Variants in PBX3 observed in about 807,000 individuals in gnomAD.
The protein encoded by PBX3 is PBX homeobox 3, also known as pre-B-cell leukemia transcription factor 3.
Under a neutral mutation model 48.5 loss-of-function variants are expected in PBX3, and 14 were observed. The ratio of observed to expected loss-of-function variants is 0.29; its 90% CI spans 0.19 to 0.45. The LOEUF (loss-of-function observed/expected upper bound fraction) is 0.45, where lower values mean the gene tolerates loss of function less well. PBX3 is among the 20% of genes least tolerant of loss of function. The pLI is 1.00. For synonymous variants in PBX3, 210 were observed against 200.3 expected (o/e 1.05, Z -0.41); for missense variants, 386 against 546.7 (o/e 0.71, Z 2.93).
At chr9:125,881,987 G>C (rs1294840818) in intron 2 of PBX3, among the ~76,000 whole-genome samples, 1 of 151,868 alleles carries the variant, frequency 6.6e-6, no homozygotes, top group Non-Finnish European at 1.5e-5. Context: ...GATCATTTGA[G>C]GCCAGGAGTT....
At chr9:125,941,750 A>G (rs1841962818) in intron 5 of PBX3, among the ~76,000 whole-genome samples, 1 of 152,254 alleles carries the variant, frequency 6.6e-6, no homozygotes, top group Admixed American at 6.5e-5. Context: ...ATTGAGAATC[A>G]TACTTAAATT....
At chr9:125,840,354 T>C (rs995090312) in intron 2 of PBX3, among the ~76,000 whole-genome samples, 2 of 152,004 alleles carry the variant, frequency 1.3e-5, no homozygotes, top group African/African-American at 4.8e-5. Flanking sequence ...ATGTAAATAA[T>C]GCTGTCCTGC....
chr9:125,807,336 A>AG (rs1838154280), intron 2 of PBX3, among the ~76,000 whole-genome samples: 2 of 150,190 alleles, frequency 1.3e-5, no homozygotes, highest in African/African-American at 5.0e-5. Flanking sequence ...GACTCAAAAA[A>AG]GAAAAAAAAA....
intron 5 of PBX3, among the ~76,000 whole-genome samples, chr9:125,939,458 A>C (rs1841912523): frequency 6.6e-6 from 1 of 152,198 alleles, no homozygotes; most frequent in South Asian, 2.1e-4. Context: ...GCTACCAAGA[A>C]TGTGTAGCAG....
At chr9:125,869,669 G>A (rs543630173) in intron 2 of PBX3, among the ~76,000 whole-genome samples, 17 of 152,248 alleles carry the variant, frequency 1.1e-4, no homozygotes, top group African/African-American at 1.9e-4. Context: ...AATACCTGGA[G>A]CATGGGCAAA....
intron 2 of PBX3, among the ~76,000 whole-genome samples, chr9:125,899,192 GATATATATATTTATAAAT>G (rs1840846853): frequency 7.1e-6 from 1 of 141,132 alleles, no homozygotes; most frequent in Non-Finnish European, 1.5e-5. Context: ...TTCTTTAGAT[GATATATATATTTATAAAT>G]ATACATATGT....
At chr9:125,882,473 A>G (rs919643358) in intron 2 of PBX3, among the ~76,000 whole-genome samples, 3 of 152,174 alleles carry the variant, frequency 2.0e-5, no homozygotes, top group African/African-American at 7.2e-5. Context: ...GCTGCCTGGT[A>G]TTTAACATTG....
intron 5 of PBX3, 137 bp from the exon 6 acceptor site, chr9:125,960,547 T>A: frequency 1.4e-6 from 1 of 699,492 alleles, no homozygotes; most frequent in Non-Finnish European, 2.5e-6. Flanking sequence ...CCATTATGCA[T>A]GATCCATAGG....
At chr9:125,792,365 T>C (rs984735508) in intron 2 of PBX3, among the ~76,000 whole-genome samples, 2 of 152,042 alleles carry the variant, frequency 1.3e-5, no homozygotes, top group African/African-American at 2.4e-5. Flanking sequence ...GTCAGAAATA[T>C]TAGGGGAGGT....
chr9:125,923,513 A>C (rs78677571), intron 3 of PBX3, among the ~76,000 whole-genome samples: 10,709 of 152,192 alleles, frequency 0.07, 869 homozygotes, highest in African/African-American at 0.18. Context: ...TTACGTCTAT[A>C]AATATTTATT....
chr9:125,867,563 G>A (rs1350684894), intron 2 of PBX3, among the ~76,000 whole-genome samples: 2 of 150,514 alleles, frequency 1.3e-5, no homozygotes, highest in African/African-American at 2.4e-5. Flanking sequence ...TCACTTGAAT[G>A]CGGGAGGTGG....
chr9:125,873,678 G>A (rs1840181183), intron 2 of PBX3, among the ~76,000 whole-genome samples: 1 of 152,086 alleles, frequency 6.6e-6, no homozygotes, highest in African/African-American at 2.4e-5. Context: ...CCAACACTTA[G>A]GAAATATGAC....
chr9:125,781,692 G>T (rs1362688802), intron 2 of PBX3, among the ~76,000 whole-genome samples: 2 of 151,964 alleles, frequency 1.3e-5, no homozygotes, highest in Non-Finnish European at 2.9e-5. Flanking sequence ...TCTGTGTTTT[G>T]TTGTTTCCAC....
At chr9:125,764,143 T>C (rs1245512483) in intron 2 of PBX3, among the ~76,000 whole-genome samples, 1 of 152,172 alleles carries the variant, frequency 6.6e-6, no homozygotes, top group Non-Finnish European at 1.5e-5. Context: ...GGGATAAGAG[T>C]GTTGCAGGGG....
chr9:125,778,262 CT>C (rs201244038), intron 2 of PBX3, among the ~76,000 whole-genome samples: 5,519 of 147,370 alleles, frequency 0.037, 352 homozygotes, highest in African/African-American at 0.13. Flanking sequence ...GTGCCTGGCC[CT>C]CTTTTTTTTT....
At chr9:125,806,940 A>T (rs561100551) in intron 2 of PBX3, among the ~76,000 whole-genome samples, 50 of 152,346 alleles carry the variant, frequency 3.3e-4, no homozygotes, top group African/African-American at 1.2e-3. Context: ...AGAGGAGAAG[A>T]TATAAGACAG....
intron 2 of PBX3, among the ~76,000 whole-genome samples, chr9:125,770,214 A>C (rs917234904): frequency 5.3e-5 from 8 of 152,188 alleles, no homozygotes; most frequent in Middle Eastern, 3.2e-3. Flanking sequence ...GAGTTCAGAA[A>C]TAACAGTAAA....
chr9:125,837,910 T>G (rs908378770), intron 2 of PBX3, among the ~76,000 whole-genome samples: 2 of 152,210 alleles, frequency 1.3e-5, no homozygotes, highest in Non-Finnish European at 2.9e-5. Flanking sequence ...ATAGTCTTTG[T>G]TTTGTTGGTC....
rs1020606454 is a variant in PBX3, at chr9:125,794,997, G to A, written c.274+46374G>A. 4.6e-5 allele frequency among the ~76,000 whole-genome samples: 7 copies of A among 152,258 alleles called. No homozygotes were observed. The East Asian group carries it at 5.8e-4, about 13-fold the overall frequency. On this transcript the variant is annotated intron_variant, in intron 2 of 8. Coordinates refer to ENST00000373489, the MANE Select transcript of PBX3 (RefSeq NM_006195.6). ...TTCACTTACCAACTTTTCTGCCTCC[G>A]GCAGACCAGCCTTTTACTAATGGTG...
Sources: gnomAD v4.1 joint callset for allele counts (sites outside exome capture counted in the v4.1 genomes callset) on GRCh38, gnomAD v4.1.1 for gene constraint, MANE v1.5 for transcripts, NCBI Gene and HGNC (gene_info 2026-07-23, HGNC 2026-07-21) for gene names.